OGDH: variants seen among roughly 807,000 people sequenced by gnomAD.
OGDH encodes oxoglutarate dehydrogenase.
Under a neutral mutation model 116.6 loss-of-function variants are expected in OGDH, and 38 were observed. The ratio of observed to expected loss-of-function variants is 0.33; its 90% CI spans 0.25 to 0.43. The LOEUF (loss-of-function observed/expected upper bound fraction) is 0.43. OGDH is among the 20% of genes least tolerant of loss of function. The pLI, the probability that OGDH is intolerant of heterozygous loss-of-function variation, is 1.00. For missense variants in OGDH, 825 were observed against 1,357.2 expected, an observed-to-expected ratio of 0.61 and a Z score of 6.16; for synonymous variants, 488 against 533.3, an observed-to-expected ratio of 0.92 and a Z score of 1.17.
chr7:44,650,572 A>G (rs1413956408), intron 4 of OGDH, among the ~76,000 whole-genome samples: 1 of 152,190 alleles, frequency 6.6e-6, no homozygotes, highest in Non-Finnish European at 1.5e-5. Context: ...TAGCTGCCAA[A>G]CTCTCTGATA....
intron 2 of OGDH, among the ~76,000 whole-genome samples, chr7:44,625,075 A>G (rs983971098): frequency 6.6e-6 from 1 of 152,074 alleles, no homozygotes; most frequent in South Asian, 2.1e-4. Flanking sequence ...TTTTCACCAC[A>G]TGATTACTGA....
At chr7:44,666,958 T>G in intron 5 of OGDH, 107 bp downstream of exon 5, 1 of 687,036 alleles carries the variant, frequency 1.5e-6, no homozygotes, top group Non-Finnish European at 2.4e-6. Context: ...CTTTCTATTT[T>G]ATTTTTTCTC....
intron 9 of OGDH, among the ~76,000 whole-genome samples, chr7:44,680,384 T>C (rs1442727056): frequency 2.0e-5 from 3 of 152,078 alleles, no homozygotes; most frequent in African/African-American, 7.2e-5. Flanking sequence ...GATTGTGGCA[T>C]TGGGGACACT....
chr7:44,646,902 A>C (rs889037143), intron 3 of OGDH, among the ~76,000 whole-genome samples: 1 of 152,180 alleles, frequency 6.6e-6, no homozygotes, highest in Non-Finnish European at 1.5e-5. Context: ...TCCCCAGTTA[A>C]GGCCAACACT....
At chr7:44,644,460 C>G (rs1183939281) in intron 2 of OGDH, among the ~76,000 whole-genome samples, 1 of 152,184 alleles carries the variant, frequency 6.6e-6, no homozygotes, top group Non-Finnish European at 1.5e-5. Flanking sequence ...TAACTAACAC[C>G]TGACTTTGTG....
rs138476180 is a variant in OGDH at position 44,640,070 on chromosome 7, C to T, written c.223-5257C>T. Among the ~76,000 whole-genome samples, 5 of 152,300 alleles carry T rather than the reference C, an allele frequency of 3.3e-5. No homozygotes were observed. The East Asian group carries it at 9.6e-4, about 29-fold the overall frequency. ...CTCCAGGGCCTAGGCTGGAAGGAGT[C>T]CTGCAGCCTTTGTGGCTCAGGACCA... is the stretch of plus-strand genomic sequence containing the variant. On this transcript the variant is annotated intron_variant, in intron 2 of 22. Transcript: ENST00000222673.
At chr7:44,609,899 G>A (rs1479652271) in intron 1 of OGDH, among the ~76,000 whole-genome samples, 1 of 152,126 alleles carries the variant, frequency 6.6e-6, no homozygotes. Context: ...GTGTAGTAAT[G>A]TCTCTTTGTG....
At chr7:44,640,807 G>GGGGTGC (rs1562631971) in intron 2 of OGDH, among the ~76,000 whole-genome samples, 2 of 152,238 alleles carry the variant, frequency 1.3e-5, no homozygotes, top group Admixed American at 6.5e-5. Flanking sequence ...AGCTAGACTT[G>GGGGTGC]GGGTGCGGGT....
intron 3 of OGDH, among the ~76,000 whole-genome samples, chr7:44,646,430 A>G (rs1477049161): frequency 6.6e-6 from 1 of 152,252 alleles, no homozygotes; most frequent in African/African-American, 2.4e-5. Context: ...CCTTCATGCC[A>G]TGGCCTGGCA....
chr7:44,679,490 T>G (rs1431398236), intron 9 of OGDH, among the ~76,000 whole-genome samples: 4 of 152,178 alleles, frequency 2.6e-5, no homozygotes, highest in Non-Finnish European at 5.9e-5. Context: ...ACACAAATCA[T>G]GGGTCTTAAC....
At position 44,645,321 on chromosome 7, in the gene OGDH, CT is replaced by C; in HGVS notation, c.223-3del. 6.2e-7 allele frequency: 1 copy of C among 1,613,412 alleles called. No homozygotes were observed. The highest frequency in any genetic ancestry group is 1.7e-4 in the Middle Eastern group (1 of 6,058). ...TGAGGTAACCCTGTACCTTCTTTGT[CT>C]TTAGTCATGGGACATTTTTTTTCGC... On this transcript the variant is annotated splice_polypyrimidine_tract_variant and splice_region_variant and intron_variant, in intron 2 of 22. Coordinates refer to ENST00000222673, the MANE Select transcript of OGDH (RefSeq NM_002541.4).
At chr7:44,624,087 A>T (rs1369201187) in intron 1 of OGDH, among the ~76,000 whole-genome samples, 8 of 152,128 alleles carry the variant, frequency 5.3e-5, no homozygotes. Context: ...TCTCAGGCAC[A>T]TGAACTGGTG....
At position 44,624,320 on chromosome 7, in the gene OGDH, G is replaced by C; in HGVS notation, c.-24G>C. On this transcript the variant is annotated 5_prime_UTR_variant, in exon 2 of 23. Coordinates refer to ENST00000222673, the MANE Select transcript of OGDH (RefSeq NM_002541.4). The stretch of plus-strand genomic sequence containing the variant: ...TTTTTTTTTTTTTTTTGTACAGGCA[G>C]TTGTGAAAAACTTCAGGACAAAAAT... The C allele has an allele frequency of 2.4e-6, 2 of 823,548 alleles. No homozygotes were observed. Among genetic ancestry groups the C allele is most frequent in the Non-Finnish European group, 3.8e-6 (2 of 530,542 alleles). The allele number at this position is 823,548 out of a possible 1,614,324, so 51.0% of individuals were successfully genotyped here.
In OGDH at chr7:44,645,915, C is replaced by T. The variant is rs141779509; in HGVS notation, c.414+397C>T. 2.7e-4 allele frequency among the ~76,000 whole-genome samples: 41 copies of T among 152,220 alleles called. 1 individual carries two copies. The East Asian group carries it at 7.1e-3, about 27-fold the overall frequency. ...ATGCCCCCTTCTCAGTTGCTAACAA[C>T]TGAATACTATAAGAGAAGAAAACCA... On this transcript the variant is annotated intron_variant, in intron 3 of 22. Transcript: ENST00000222673.
At chr7:44,616,838 C>CATATACGTGTATATATATACACATATAT (rs1562611174) in intron 1 of OGDH, among the ~76,000 whole-genome samples, 7 of 123,282 alleles carry the variant, frequency 5.7e-5, no homozygotes, top group African/African-American at 2.4e-4. Context: ...TATATATACA[C>CATATACGTGTATATATATACACATATAT]ATATACGTGT....
At chr7:44,632,807 A>G (rs983272514) in intron 2 of OGDH, among the ~76,000 whole-genome samples, 2 of 151,258 alleles carry the variant, frequency 1.3e-5, no homozygotes, top group African/African-American at 2.4e-5. Context: ...TTTAGTAGAG[A>G]CGGGGTTTCG....
intron 10 of OGDH, among the ~76,000 whole-genome samples, chr7:44,689,079 G>A (rs1788257233): frequency 6.6e-6 from 1 of 151,860 alleles, no homozygotes; most frequent in African/African-American, 2.4e-5. Flanking sequence ...ATTCCTTTTC[G>A]GGTATATACG....
chr7:44,617,812 T>C (rs779849901), intron 1 of OGDH, among the ~76,000 whole-genome samples: 22 of 152,222 alleles, frequency 1.4e-4, no homozygotes, highest in African/African-American at 3.6e-4. Flanking sequence ...GTGGGTTTTT[T>C]TCCCTCAAAG....
At chr7:44,640,862 G>C (rs973430580) in intron 2 of OGDH, among the ~76,000 whole-genome samples, 1 of 151,560 alleles carries the variant, frequency 6.6e-6, no homozygotes, top group African/African-American at 2.4e-5. Flanking sequence ...GCAAGTTTGG[G>C]GTAAAGAAAA....
Sources: allele counts gnomAD v4.1 joint callset (sites outside exome capture counted in the v4.1 genomes callset), GRCh38; gene constraint gnomAD v4.1.1; transcripts MANE v1.5; gene names NCBI Gene and HGNC (gene_info 2026-07-23, HGNC 2026-07-21).